CELSR2: variants seen among roughly 807,000 people sequenced by gnomAD.
The protein encoded by CELSR2 is EGF-like protein 2.
A neutral mutation model predicts 251.6 loss-of-function variants in CELSR2; 81 were observed. That is an observed-to-expected ratio of 0.32 (90% CI 0.27 to 0.39). The LOEUF (loss-of-function observed/expected upper bound fraction) is 0.39. Ranked by LOEUF, CELSR2 falls within the 10% of genes least tolerant of loss-of-function variation. CELSR2 has a pLI of 1.00. For missense variants in CELSR2, 3,365 were observed against 3,947.7 expected (o/e 0.85, Z 3.96); for synonymous variants, 1,721 against 1,670.5 (o/e 1.03, Z -0.74).
chr1:109,263,378 G>T, intron 8 of CELSR2, 111 bp downstream of exon 8: 1 of 1,457,846 alleles, frequency 6.9e-7, no homozygotes, highest in Non-Finnish European at 9.1e-7. Flanking sequence ...GCTGTGGGTG[G>T]AAAAGCGTGT....
Position 109,250,126 on chromosome 1 carries a change from CGCT to C in CELSR2, c.58_60del (p.Leu25del). ...GTCCCCCTCCCAACGCCGCCGCCGC[CGCT>C]GCTGCTGCTGTTGCTGCTGCTGCTG... On this transcript the variant is annotated inframe_deletion, in exon 1 of 34. Transcript: ENST00000271332. This position sits in a 1 kb window ranked among gnomAD's most constrained non-coding sequence, Gnocchi z 4.4. 7.6e-6 allele frequency: 12 copies of C among 1,572,966 alleles called. No homozygotes were observed. In the Admixed American group the frequency reaches 9.1e-5, roughly 12 times the overall value.
Position 109,268,016 on chromosome 1 carries a change from C to A in CELSR2, c.6274C>A (p.Arg2092=). 2 of 1,608,726 alleles carry A rather than the reference C, an allele frequency of 1.2e-6. No homozygotes were observed. The highest frequency in any genetic ancestry group is 1.7e-6 in the Non-Finnish European group (2 of 1,179,206). Residue 2092 remains arginine (R), a synonymous_variant, in exon 17 of 34, where the codon CGG becomes AGG. Coordinates refer to ENST00000271332, the MANE Select transcript of CELSR2 (RefSeq NM_001408.3). Reference sequence around the variant, plus strand: ...GCTGCTGGCCCACGAGAGCACCCAGCGGGGCTTTGGGCTGTCTGCCACACA... The same window carrying A: ...GCTGCTGGCCCACGAGAGCACCCAGAGGGGCTTTGGGCTGTCTGCCACACA... ...TRLLAHESTQ[R]GFGLSATQDV...
chr1:109,249,682 C>A lies in CELSR2; in HGVS notation c.-398C>A, dbSNP rs1655617390. On this transcript the variant is annotated 5_prime_UTR_variant, in exon 1 of 34. Transcript: ENST00000271332. Reference sequence around the variant, plus strand: ...GGGGCCGCCGGGGCCGGGCCGGGGTCGGGGCGCACGGCTACGCGGGCGCAG... The same window carrying A: ...GGGGCCGCCGGGGCCGGGCCGGGGTAGGGGCGCACGGCTACGCGGGCGCAG... Among the ~76,000 whole-genome samples, 1 of 146,878 alleles carries A rather than the reference C, an allele frequency of 6.8e-6. No homozygotes were observed. Among genetic ancestry groups the A allele is most frequent in the Non-Finnish European group, 1.5e-5 (1 of 66,118 alleles).
At chr1:109,264,670 C>G in intron 11 of CELSR2, 42 bp downstream of exon 11, 1 of 1,597,484 alleles carries the variant, frequency 6.3e-7, no homozygotes, top group Non-Finnish European at 8.6e-7. Flanking sequence ...TATCAGGTGC[C>G]TGGGGCCACA....
At chr1:109,271,823 A>C in intron 28 of CELSR2, 101 bp downstream of exon 28, 19 of 1,413,924 alleles carry the variant, frequency 1.3e-5, no homozygotes, top group Non-Finnish European at 1.7e-5. Context: ...TCTTTTCTCC[A>C]TCCCTTCCTG....
rs772949301 is a variant in CELSR2 at position 109,272,931 on chromosome 1, G to A, written c.8242G>A (p.Glu2748Lys). 2.5e-6 allele frequency: 4 copies of A among 1,613,974 alleles called. No individual in the cohort carries two copies. The highest frequency in any genetic ancestry group is 2.2e-5 in the South Asian group (2 of 91,088). The stretch of plus-strand genomic sequence containing the variant: ...ATCAGACAGTGAGGAGGAAGAAGAG[G>A]AGGAGGAAGAGGAGGCCGCCTTCCC... ...HSSDSEEEEE[E>K]EEEEAAFPGE... Residue 2748 changes from glutamate (E) to lysine (K), a missense_variant, in exon 31 of 34, where the codon GAG becomes AAG. By Grantham distance (56) the Glu-to-Lys change is moderately conservative (BLOSUM62 1). This residue lies in a region of CELSR2 where 2,093 missense variants were observed against 2,382.8 expected (regional missense o/e 0.88). Transcript: ENST00000271332.
In CELSR2 at chr1:109,273,874, G is replaced by T. The variant is rs566848803; in HGVS notation, c.8745-148G>T. The stretch of plus-strand genomic sequence containing the variant: ...CCACCCCTCCTAGGCTCTACGCGGC[G>T]CAGCCCAGCCTAGGGCAGAGTGCGG... On this transcript the variant is annotated intron_variant, in intron 33 of 33. Transcript: ENST00000271332. 1,731 of 1,220,178 alleles carry T rather than the reference G, an allele frequency of 1.4e-3. 3 individuals carry two copies. Among genetic ancestry groups the T allele is most frequent in the Non-Finnish European group, 1.8e-3 (1,517 of 828,750 alleles). 75.6% of individuals were successfully genotyped at this position (1,220,178 alleles called of 1,614,324 possible).
rs768264817 is a variant in CELSR2, at chr1:109,264,847, C to T, written c.5465-21C>T. On this transcript the variant is annotated intron_variant, in intron 11 of 33. Coordinates refer to ENST00000271332, the MANE Select transcript of CELSR2 (RefSeq NM_001408.3). Reference sequence around the variant, plus strand: ...CAGGGGAGGGTGGGGGAATGAGCCTCTCTGGTCCTTCTGGTCCCAGGTTAC... The same window carrying T: ...CAGGGGAGGGTGGGGGAATGAGCCTTTCTGGTCCTTCTGGTCCCAGGTTAC... 4.3e-6 allele frequency: 7 copies of T among 1,614,194 alleles called. No individual in the cohort carries two copies. In the East Asian group the frequency reaches 8.9e-5, roughly 21 times the overall value.
intron 23 of CELSR2, 139 bp from the exon 24 acceptor site, chr1:109,270,286 AT>A: frequency 2.4e-6 from 3 of 1,263,744 alleles, no homozygotes; most frequent in Non-Finnish European, 3.3e-6. Context: ...CTCCCCCGGG[AT>A]CCCCCAGCAC....
chr1:109,267,029 G>A (rs1656216446), intron 15 of CELSR2, among the ~76,000 whole-genome samples: 1 of 152,014 alleles, frequency 6.6e-6, no homozygotes, highest in Admixed American at 6.5e-5. Flanking sequence ...CCCACATCTT[G>A]GACTCTTAAC....
At position 109,264,349 on chromosome 1, in the gene CELSR2, T is replaced by G; in HGVS notation, c.5273T>G (p.Phe1758Cys). 6.2e-7 allele frequency: 1 copy of G among 1,608,306 alleles called. No individual in the cohort carries two copies. The highest frequency in any genetic ancestry group is 8.5e-7 in the Non-Finnish European group (1 of 1,175,726). Reference sequence around the variant, plus strand: ...CCAGCCGGCGGTGTGGCCCGTGGCTTTCGGGGCTGTTTGCAGGTGAGTGTC... The same window carrying G: ...CCAGCCGGCGGTGTGGCCCGTGGCTGTCGGGGCTGTTTGCAGGTGAGTGTC... ...PGPAGGVARG[F>C]RGCLQGVRVS... The change falls in exon 10 of 34, where the codon TTT (phenylalanine) becomes TGT (cysteine). Residue 1758 changes from phenylalanine to cysteine, a missense_variant. By Grantham distance (205) the Phe-to-Cys change is radical. This residue lies in a region of CELSR2 where 2,093 missense variants were observed against 2,382.8 expected (regional missense o/e 0.88). Coordinates refer to ENST00000271332, the MANE Select transcript of CELSR2 (RefSeq NM_001408.3).
rs1284832377 is a variant in CELSR2 at position 109,251,137 on chromosome 1, G to T, written c.1058G>T (p.Gly353Val). The T allele has an allele frequency of 6.2e-7, 1 of 1,613,222 alleles. No homozygotes were observed. The highest frequency in any genetic ancestry group is 2.2e-5 in the East Asian group (1 of 44,884). Residue 353 changes from glycine (G) to valine (V), a missense_variant, in exon 1 of 34, where the codon GGC becomes GTC. Gly to Val is a moderately radical substitution (Grantham distance 109). This residue lies in a region of CELSR2 where 704 missense variants were observed against 784.1 expected (regional missense o/e 0.90). Transcript: ENST00000271332. The surrounding 1 kb of genome is among the most constrained non-coding windows in gnomAD (Gnocchi z 4.9). The stretch of plus-strand genomic sequence containing the variant: ...CGCTCTGGGGTGATCCGAACCCGTG[G>T]CCCTGTGGATCGGGAAGAGGTGGAA... ...DPRSGVIRTR[G>V]PVDREEVESY...
chr1:109,256,206 A>G (rs963702342), intron 1 of CELSR2, among the ~76,000 whole-genome samples: 5 of 152,178 alleles, frequency 3.3e-5, no homozygotes, highest in African/African-American at 1.2e-4. Context: ...GCCTGATGAC[A>G]TAAATCTGGG....
intron 1 of CELSR2, among the ~76,000 whole-genome samples, chr1:109,255,231 C>T (rs1191719455): frequency 6.6e-6 from 1 of 152,216 alleles, no homozygotes; most frequent in Non-Finnish European, 1.5e-5. Context: ...TTGTTTTCCT[C>T]CTCTTGTTCT....
At position 109,273,820 on chromosome 1, in the gene CELSR2, C is replaced by T. The variant is rs1656446672; in HGVS notation, c.8744+150C>T. On this transcript the variant is annotated intron_variant, in intron 33 of 33. Transcript: ENST00000271332. ...GCCCAGCTCCCTTACTATGCCGTGC[C>T]CACAAACCATGGTGCCTTGCGGGGA... The T allele has an allele frequency of 3.0e-6, 3 of 992,638 alleles. No individual in the cohort carries two copies. In the East Asian group the frequency reaches 7.5e-5, roughly 25 times the overall value. The allele number at this position is 992,638 out of a possible 1,614,324, so 61.5% of individuals were successfully genotyped here. A position where few individuals can be genotyped will look rare whatever the true frequency, so the allele number is the denominator to read the frequency against.
chr1:109,252,166 C>T lies in CELSR2; in HGVS notation c.2087C>T (p.Ala696Val), dbSNP rs1487612863. ...TCCGATGGCACTCGGCAGGACACGGCACAGATTGTGGTGAATGTCACCGAC... is the reference window on the plus strand; with the variant it reads ...TCCGATGGCACTCGGCAGGACACGGTACAGATTGTGGTGAATGTCACCGAC... ...TASDGTRQDT[A>V]QIVVNVTDAN... is the part of the protein sequence containing the mutation. Residue 696 changes from alanine to valine, a missense_variant, in exon 1 of 34, where the codon GCA becomes GTA. Physicochemically the swap from Ala to Val is moderately conservative, Grantham distance 64. Around this residue, in one of 5 missense-constraint regions of CELSR2, gnomAD observed 505 missense variants for 660.0 expected, o/e 0.77. Coordinates refer to ENST00000271332, the MANE Select transcript of CELSR2 (RefSeq NM_001408.3). The surrounding 1 kb of genome is among the most constrained non-coding windows in gnomAD (Gnocchi z 4.8). 3.7e-6 allele frequency: 6 copies of T among 1,613,962 alleles called. No homozygotes were observed. The highest frequency in any genetic ancestry group is 4.2e-6 in the Non-Finnish European group (5 of 1,180,030).
At position 109,251,995 on chromosome 1, in the gene CELSR2, C is replaced by G. The variant is rs1021909022; in HGVS notation, c.1916C>G (p.Ala639Gly). 5.0e-6 allele frequency: 8 copies of G among 1,613,994 alleles called. No homozygotes were observed. In the African/African-American group the frequency reaches 9.3e-5, roughly 19 times the overall value. ...VVTVSAVDRD[A>G]HSVITYQITS... ...ACGGTGTCAGCTGTGGACCGTGATG[C>G]TCATAGTGTCATCACCTACCAGATC... Residue 639 changes from alanine (A) to glycine (G), a missense_variant, in exon 1 of 34, where the codon GCT becomes GGT. Ala to Gly is a moderately conservative substitution (Grantham distance 60). Around this residue, in one of 5 missense-constraint regions of CELSR2, gnomAD observed 60 missense variants for 104.8 expected, o/e 0.57. Transcript: ENST00000271332. The surrounding 1 kb of genome is among the most constrained non-coding windows in gnomAD (Gnocchi z 4.9).
rs940199363 is a variant in CELSR2 at position 109,268,114 on chromosome 1, A to G, written c.6318+54A>G. Reference sequence around the variant, plus strand: ...GGTTAGATAGGGGTCATGGTGAGTGAGCCTGCTCATGGCAACCTGGGGGGC... The same window carrying G: ...GGTTAGATAGGGGTCATGGTGAGTGGGCCTGCTCATGGCAACCTGGGGGGC... On this transcript the variant is annotated intron_variant, in intron 17 of 33. Coordinates refer to ENST00000271332, the MANE Select transcript of CELSR2 (RefSeq NM_001408.3). 3.2e-6 allele frequency: 5 copies of G among 1,549,480 alleles called. No homozygotes were observed. The South Asian group carries it at 5.9e-5, about 18-fold the overall frequency.
rs200659463 is a variant in CELSR2, at chr1:109,269,948, C to T, written c.7123C>T (p.Pro2375Ser). 6.2e-7 allele frequency: 1 copy of T among 1,614,162 alleles called. No homozygotes were observed. The highest frequency in any genetic ancestry group is 2.2e-5 in the East Asian group (1 of 44,870). ...TACTCTGCAGAATGGGGAGATCCTG[C>T]CACTGAAGACACTGACATACGTGGC... ...VSRRENGEIL[P>S]LKTLTYVALG... Residue 2375 changes from proline to serine, a missense_variant, in exon 23 of 34, where the codon CCA (proline) becomes TCA (serine). Transcript: ENST00000271332. The surrounding 1 kb of genome is among the most constrained non-coding windows in gnomAD (Gnocchi z 6.4).
Sources: allele counts gnomAD v4.1 joint callset (sites outside exome capture counted in the v4.1 genomes callset), GRCh38; gene constraint gnomAD v4.1.1; regional missense constraint gnomAD v4.1.1; non-coding constraint Gnocchi (gnomAD v3.1); transcripts MANE v1.5; gene names NCBI Gene and HGNC (gene_info 2026-07-23, HGNC 2026-07-21).